The following SOX5 variants were observed in gnomAD, a reference collection of about 807,000 sequenced individuals.
The protein encoded by SOX5 is transcription factor SOX-5.
SOX5 carries 9 observed loss-of-function variants against 92.0 expected under a neutral mutation model. The observed-to-expected ratio is 0.10, with a 90% CI of 0.06 to 0.17. SOX5 has a LOEUF of 0.17. Among genes scored for constraint, SOX5 ranks in the 10% least tolerant of loss-of-function variants. SOX5 has a pLI of 1.00. For synonymous variants in SOX5, 344 were observed against 336.3 expected, an observed-to-expected ratio of 1.02 and a Z score of -0.25; for missense variants, 642 against 944.5, an observed-to-expected ratio of 0.68 and a Z score of 4.20.
chr12:23,611,405 T>A (rs1286929097), intron 8 of SOX5, among the ~76,000 whole-genome samples: 1 of 151,746 alleles, frequency 6.6e-6, no homozygotes, highest in Non-Finnish European at 1.5e-5. Context: ...TATTTATACA[T>A]ATATCTCACA....
At chr12:24,317,215 A>C (rs1949776666) in intron 2 of SOX5, among the ~76,000 whole-genome samples, 3 of 152,250 alleles carry the variant, frequency 2.0e-5, no homozygotes, top group Admixed American at 2.0e-4. Context: ...AATTTTTAAC[A>C]CATTTAAGAA....
chr12:23,721,122 G>A (rs1296065700), intron 6 of SOX5, among the ~76,000 whole-genome samples: 1 of 151,774 alleles, frequency 6.6e-6, no homozygotes, highest in African/African-American at 2.4e-5. Context: ...TTTCACTCTT[G>A]TTGCCCAGGC....
intron 4 of SOX5, among the ~76,000 whole-genome samples, chr12:23,974,927 G>A (rs1428283057): frequency 6.6e-6 from 1 of 152,002 alleles, no homozygotes; most frequent in Non-Finnish European, 1.5e-5. Context: ...GATATGTTTG[G>A]GGGGAAAGTA....
chr12:24,097,117 T>C (rs1945515222), intron 4 of SOX5, among the ~76,000 whole-genome samples: 1 of 152,192 alleles, frequency 6.6e-6, no homozygotes, highest in African/African-American at 2.4e-5. Context: ...GGTTTTGATT[T>C]GCATTTCCTT....
chr12:23,562,729 TCA>T (rs1156499548), intron 11 of SOX5, among the ~76,000 whole-genome samples: 1 of 152,194 alleles, frequency 6.6e-6, no homozygotes. Context: ...ACAAATAACG[TCA>T]AAGTTTTTAA....
At chr12:24,376,675 C>G (rs963744541) in intron 1 of SOX5, among the ~76,000 whole-genome samples, 1 of 120,092 alleles carries the variant, frequency 8.3e-6, no homozygotes, top group Admixed American at 9.8e-5. Context: ...CAGAATGATG[C>G]TATGGGAGAG....
chr12:24,021,699 C>T (rs1954310765), intron 4 of SOX5, among the ~76,000 whole-genome samples: 1 of 152,128 alleles, frequency 6.6e-6, no homozygotes. Context: ...CGAATGTAAT[C>T]CTTCTATGAG....
intron 2 of SOX5, among the ~76,000 whole-genome samples, chr12:24,347,224 C>T (rs1226275484): frequency 6.6e-6 from 1 of 152,130 alleles, no homozygotes; most frequent in African/African-American, 2.4e-5. Context: ...AAGTGATGTA[C>T]AGGCATTGTA....
chr12:23,795,460 T>G (rs2095545924), intron 3 of SOX5, among the ~76,000 whole-genome samples: 1 of 152,166 alleles, frequency 6.6e-6, no homozygotes, highest in East Asian at 1.9e-4. Flanking sequence ...TAGACTACCT[T>G]TGGATTTCCT....
intron 4 of SOX5, among the ~76,000 whole-genome samples, chr12:23,751,357 C>T (rs1441948412): frequency 6.6e-6 from 1 of 151,844 alleles, no homozygotes; most frequent in Admixed American, 6.6e-5. Context: ...TTTAAAAGAA[C>T]ATGTTTGAAA....
At chr12:24,058,271 C>A (rs567761922) in intron 4 of SOX5, among the ~76,000 whole-genome samples, 100 of 152,300 alleles carry the variant, frequency 6.6e-4, no homozygotes, top group African/African-American at 2.3e-3. Flanking sequence ...AAGGTCAATT[C>A]ATTTTAAACC....
chr12:24,239,024 T>C (rs1427726209), intron 3 of SOX5, among the ~76,000 whole-genome samples: 1 of 152,214 alleles, frequency 6.6e-6, no homozygotes, highest in African/African-American at 2.4e-5. Flanking sequence ...TAAGCATCTG[T>C]TGATATATTA....
At chr12:24,098,894 C>G (rs1183926163) in intron 4 of SOX5, among the ~76,000 whole-genome samples, 1 of 152,136 alleles carries the variant, frequency 6.6e-6, no homozygotes, top group Non-Finnish European at 1.5e-5. Flanking sequence ...TATGTGCCCT[C>G]CACCCAAGTA....
intron 3 of SOX5, among the ~76,000 whole-genome samples, chr12:23,843,207 C>CA (rs35279483): frequency 4.0e-5 from 6 of 151,474 alleles, no homozygotes; most frequent in Admixed American, 6.6e-5. Flanking sequence ...CTGTCACAGC[C>CA]AAAAAAAGCC....
chr12:23,989,234 A>G (rs2136240224), intron 4 of SOX5, among the ~76,000 whole-genome samples: 1 of 150,288 alleles, frequency 6.7e-6, no homozygotes, highest in Non-Finnish European at 1.5e-5. Context: ...AAAAAAAAAA[A>G]AAAAAAAATT....
chr12:24,050,552 T>C (rs1245064561), intron 4 of SOX5, among the ~76,000 whole-genome samples: 2 of 152,190 alleles, frequency 1.3e-5, no homozygotes, highest in Non-Finnish European at 2.9e-5. Flanking sequence ...TGAGAAGTAG[T>C]AATAATTAGA....
chr12:24,045,568 G>A (rs1956913907), intron 4 of SOX5, among the ~76,000 whole-genome samples: 1 of 152,126 alleles, frequency 6.6e-6, no homozygotes, highest in Non-Finnish European at 1.5e-5. Flanking sequence ...CCAAACTGCT[G>A]GGATTACAAG....
chr12:24,345,045 C>T (rs1425774881), intron 2 of SOX5, among the ~76,000 whole-genome samples: 1 of 152,156 alleles, frequency 6.6e-6, no homozygotes, highest in Non-Finnish European at 1.5e-5. Flanking sequence ...TTTAAATGCA[C>T]TGTCATCTTG....
chr12:23,679,305 G>T (rs73279988), intron 6 of SOX5, among the ~76,000 whole-genome samples: 1 of 152,246 alleles, frequency 6.6e-6, no homozygotes, highest in African/African-American at 2.4e-5. Context: ...TTTGGTGAAA[G>T]ATTAGTTTAA....
Sources: allele counts gnomAD v4.1 joint callset (sites outside exome capture counted in the v4.1 genomes callset), GRCh38; gene constraint gnomAD v4.1.1; transcripts MANE v1.5; gene names NCBI Gene and HGNC (gene_info 2026-07-23, HGNC 2026-07-21).